Variants in CEP63 observed in about 807,000 individuals in gnomAD.
CEP63 encodes the protein centrosomal protein 63.
A neutral mutation model predicts 89.1 loss-of-function variants in CEP63; 84 were observed. The observed-to-expected ratio is 0.94, with a 90% CI of 0.79 to 1.13. The LOEUF (loss-of-function observed/expected upper bound fraction) is 1.13. CEP63 is among the 50% of genes most tolerant of loss of function. The pLI is 0.00. For synonymous variants in CEP63, 267 were observed against 272.5 expected (o/e 0.98, Z 0.20); for missense variants, 838 against 813.3 (o/e 1.03, Z -0.37).
chr3:134,595,280 G>A, the CEP63 span, among the ~76,000 whole-genome samples: 42 of 152,140 alleles, frequency 2.8e-4, no homozygotes, highest in Non-Finnish European at 6.0e-4. Flanking sequence ...TTTCCTTGCT[G>A]CCGCCATGAG....
chr3:134,550,488 G>T (rs1190376518), intron 11 of CEP63, among the ~76,000 whole-genome samples: 1 of 152,194 alleles, frequency 6.6e-6, no homozygotes, highest in Non-Finnish European at 1.5e-5. Context: ...AGTCACTAGA[G>T]ATCACAAGCA....
intron 3 of CEP63, among the ~76,000 whole-genome samples, chr3:134,510,078 A>G (rs1944473692): frequency 6.6e-6 from 1 of 152,232 alleles, no homozygotes; most frequent in Admixed American, 6.5e-5. Context: ...TCTCTGCCTT[A>G]GAATACTTTA....
At chr3:134,692,040 T>C in the CEP63 span, among the ~76,000 whole-genome samples, 1 of 152,192 alleles carries the variant, frequency 6.6e-6, no homozygotes, top group African/African-American at 2.4e-5. Context: ...GAATATCCCT[T>C]TGGTGTTTGG....
chr3:134,601,414 C>T, the CEP63 span, among the ~76,000 whole-genome samples: 10 of 152,166 alleles, frequency 6.6e-5, no homozygotes, highest in Admixed American at 2.0e-4. Context: ...TGGGGGTCTC[C>T]AGCAGGACTA....
chr3:134,745,943 T>A, the CEP63 span, among the ~76,000 whole-genome samples: 13 of 151,752 alleles, frequency 8.6e-5, no homozygotes, highest in African/African-American at 3.1e-4. Flanking sequence ...ATACTTTAAG[T>A]TCTAGGGTAC....
the CEP63 span, among the ~76,000 whole-genome samples, chr3:134,684,818 A>G: frequency 3.3e-5 from 5 of 152,198 alleles, no homozygotes; most frequent in Non-Finnish European, 5.9e-5. Flanking sequence ...TTTCAGTCCA[A>G]CTGGACCAAT....
intron 1 of CEP63, among the ~76,000 whole-genome samples, chr3:134,492,070 C>CTTTTTTTTTTTTT (rs74269453): frequency 8.7e-5 from 9 of 103,668 alleles, no homozygotes; most frequent in South Asian, 3.4e-4. Flanking sequence ...TATTTGTATT[C>CTTTTTTTTTTTTT]TTTTTTTTTT....
In CEP63 at chr3:134,545,607, C is replaced by G; in HGVS notation, c.577C>G (p.Gln193Glu). 1 of 1,614,022 alleles carries G rather than the reference C, an allele frequency of 6.2e-7. No individual in the cohort carries two copies. Among genetic ancestry groups the G allele is most frequent in the South Asian group, 1.1e-5 (1 of 91,086 alleles). Residue 193 changes from glutamine to glutamate, a missense_variant, in exon 7 of 15, where the codon CAG becomes GAG. By Grantham distance (29) the Gln-to-Glu change is conservative. Transcript: ENST00000675561. ...IIQAQLVNRK[Q>E]KLESVELSSQ... is the part of the protein sequence containing the mutation. The stretch of plus-strand genomic sequence containing the variant: ...CTAGGCTCAGCTTGTCAATCGGAAA[C>G]AGAAATTAGAGTCTGTGGAACTTTC...
the CEP63 span, among the ~76,000 whole-genome samples, chr3:134,700,007 T>A: frequency 1.3e-5 from 2 of 152,256 alleles, no homozygotes; most frequent in African/African-American, 4.8e-5. Flanking sequence ...AGGCTCTCAC[T>A]TTCAGGGGTC....
At chr3:134,530,705 C>T (rs755339320) in intron 3 of CEP63, among the ~76,000 whole-genome samples, 7 of 152,038 alleles carry the variant, frequency 4.6e-5, no homozygotes, top group Admixed American at 1.3e-4. Flanking sequence ...CTAGACTTTT[C>T]CATTTTATTG....
chr3:134,698,732 C>G, the CEP63 span, among the ~76,000 whole-genome samples: 1 of 152,208 alleles, frequency 6.6e-6, no homozygotes, highest in Non-Finnish European at 1.5e-5. Context: ...TGATACTGCT[C>G]TCTCCTTTCT....
the CEP63 span, among the ~76,000 whole-genome samples, chr3:134,637,930 T>C: frequency 6.6e-6 from 1 of 152,212 alleles, no homozygotes; most frequent in African/African-American, 2.4e-5. Context: ...GCTCCAGCCA[T>C]CACTATTCCT....
the CEP63 span, among the ~76,000 whole-genome samples, chr3:134,707,549 T>G: frequency 6.6e-6 from 1 of 152,190 alleles, no homozygotes; most frequent in East Asian, 1.9e-4. Flanking sequence ...GCTCTACTCC[T>G]AGTTCCACTA....
the CEP63 span, chr3:134,604,442 A>T: frequency 6.2e-7 from 1 of 1,612,760 alleles, no homozygotes; most frequent in Non-Finnish European, 8.5e-7. Flanking sequence ...GTCGGGGCGC[A>T]GCTCTCAATG....
chr3:134,659,577 GA>G, the CEP63 span, among the ~76,000 whole-genome samples: 1 of 152,220 alleles, frequency 6.6e-6, no homozygotes, highest in East Asian at 1.9e-4. Flanking sequence ...ACGTTTCAGT[GA>G]AAAGGCATTT....
rs191616568 is a variant in CEP63, at chr3:134,549,782, T to C, written c.1183-281T>C. Among the ~76,000 whole-genome samples, 34 of 152,332 alleles carry C rather than the reference T, an allele frequency of 2.2e-4. No homozygotes were observed. The East Asian group carries it at 6.2e-3, about 28-fold the overall frequency. ...AAAAAAGAATGAAGGTCACAAGTAC[T>C]CTCCTCTAAATTGTGTGCATGGACC... On this transcript the variant is annotated intron_variant, in intron 10 of 14. Coordinates refer to ENST00000675561, the MANE Select transcript of CEP63 (RefSeq NM_001353108.3).
At chr3:134,763,122 C>T in the CEP63 span, among the ~76,000 whole-genome samples, 1 of 151,688 alleles carries the variant, frequency 6.6e-6, no homozygotes, top group Non-Finnish European at 1.5e-5. Context: ...GGTACATATA[C>T]ATAACGTGCA....
chr3:134,531,956 T>C lies in CEP63; in HGVS notation c.318+16T>C, dbSNP rs201717122. 6.5e-7 allele frequency: 1 copy of C among 1,548,628 alleles called. No homozygotes were observed. Among genetic ancestry groups the C allele is most frequent in the Non-Finnish European group, 8.9e-7 (1 of 1,120,794 alleles). ...ACATGAAGAAGTGAGATTTTAGTTT[T>C]GTTAAATGTTGTGTGTGTAGTTCTC... On this transcript the variant is annotated intron_variant, in intron 4 of 14. Transcript: ENST00000675561.
At chr3:134,546,544 A>G (rs1272551930) in intron 8 of CEP63, among the ~76,000 whole-genome samples, 1 of 151,882 alleles carries the variant, frequency 6.6e-6, no homozygotes, top group Non-Finnish European at 1.5e-5. Context: ...ATTTTTAGAG[A>G]CGGGCATTCA....
Sources: gnomAD v4.1 joint callset for allele counts (sites outside exome capture counted in the v4.1 genomes callset) on GRCh38, gnomAD v4.1.1 for gene constraint, MANE v1.5 for transcripts, NCBI Gene and HGNC (gene_info 2026-07-23, HGNC 2026-07-21) for gene names.